TCAIM: variants seen among roughly 807,000 people sequenced by gnomAD.
TCAIM encodes the protein T-cell activation inhibitor, mitochondrial.
A neutral mutation model predicts 58.6 loss-of-function variants in TCAIM; 36 were observed. The ratio of observed to expected loss-of-function variants is 0.61; its 90% CI spans 0.47 to 0.81. TCAIM has a LOEUF of 0.81. TCAIM is among the 30% of genes least tolerant of loss of function. TCAIM has a pLI of 0.00. For synonymous variants in TCAIM, 172 were observed against 193.6 expected, an observed-to-expected ratio of 0.89 and a Z score of 0.93; for missense variants, 466 against 579.6, an observed-to-expected ratio of 0.80 and a Z score of 2.01.
intron 10 of TCAIM, among the ~76,000 whole-genome samples, chr3:44,405,824 T>C (rs1702091174): frequency 1.5e-5 from 2 of 131,466 alleles, no homozygotes; most frequent in Admixed American, 1.6e-4. Context: ...TGGTGGTACA[T>C]GCATGCAATC....
intron 8 of TCAIM, among the ~76,000 whole-genome samples, chr3:44,397,144 C>T (rs906266549): frequency 2.8e-4 from 42 of 152,146 alleles, no homozygotes; most frequent in African/African-American, 9.4e-4. Flanking sequence ...TGAGGTATAA[C>T]TGACATTTAA....
intron 5 of TCAIM, among the ~76,000 whole-genome samples, chr3:44,392,425 C>T (rs1701853135): frequency 6.6e-6 from 1 of 152,004 alleles, no homozygotes; most frequent in Admixed American, 6.6e-5. Context: ...ATTCTGTTAC[C>T]TAGGTACTAA....
chr3:44,390,349 G>A (rs1701814145), intron 5 of TCAIM, among the ~76,000 whole-genome samples: 1 of 152,226 alleles, frequency 6.6e-6, no homozygotes, highest in Admixed American at 6.5e-5. Flanking sequence ...CAGGTACAGT[G>A]GCTCACGCCT....
intron 5 of TCAIM, among the ~76,000 whole-genome samples, chr3:44,382,623 TA>T (rs1283054392): frequency 2.6e-5 from 4 of 152,222 alleles, no homozygotes; most frequent in African/African-American, 7.2e-5. Flanking sequence ...ATGTAAGACC[TA>T]AACTATAAAA....
intron 1 of TCAIM, among the ~76,000 whole-genome samples, chr3:44,351,908 A>G (rs1394578676): frequency 6.6e-6 from 1 of 152,108 alleles, no homozygotes; most frequent in Admixed American, 6.6e-5. Flanking sequence ...TTAAGAATGT[A>G]CTTTTAAAAA....
intron 10 of TCAIM, 41 bp from the exon 11 acceptor site, chr3:44,407,401 T>G (rs746699185): frequency 3.8e-6 from 5 of 1,316,080 alleles, no homozygotes; most frequent in Non-Finnish European, 1.0e-6. Context: ...GTTATGACAA[T>G]ATTTGTTCTT....
rs1260800366 is a variant in TCAIM, at chr3:44,401,210, T to C, written c.1126T>C (p.Tyr376His). The change falls in exon 10 of 11, where the codon TAT becomes CAT. Residue 376 changes from tyrosine (Y) to histidine (H), a missense_variant. Coordinates refer to ENST00000342649, the MANE Select transcript of TCAIM (RefSeq NM_173826.4). ...GLQMILNSDR[Y>H]APSLHELGHF... is the part of the protein sequence containing the mutation. ...ATGTATATTTTATTGCAGTGACAGA[T>C]ATGCTCCAAGCTTGCATGAACTCGG... The C allele has an allele frequency of 1.5e-5, 25 of 1,613,924 alleles. No individual in the cohort carries two copies. Among genetic ancestry groups the C allele is most frequent in the Non-Finnish European group, 1.9e-5 (23 of 1,179,952 alleles).
intron 6 of TCAIM, among the ~76,000 whole-genome samples, chr3:44,395,890 G>A (rs1269712548): frequency 2.0e-5 from 3 of 152,196 alleles, no homozygotes; most frequent in Non-Finnish European, 2.9e-5. Flanking sequence ...GTGAGGCTGA[G>A]GTAGGAGGAT....
In TCAIM at chr3:44,357,757, A is replaced by G. The variant is rs919903477; in HGVS notation, c.46A>G (p.Ile16Val). 8 of 1,614,008 alleles carry G rather than the reference A, an allele frequency of 5.0e-6. No individual in the cohort carries two copies. The Admixed American group carries it at 1.2e-4, about 24-fold the overall frequency. ...RPMRRLCLEK[I>V]FPHWFPFSRA... ...TTTTAAAAGGTTATGTCTAGAGAAG[A>G]TATTTCCACACTGGTTTCCCTTTTC... Residue 16 changes from isoleucine (I) to valine (V), a missense_variant, in exon 3 of 11, where the codon ATA becomes GTA. Ile to Val is a conservative substitution (Grantham distance 29). Transcript: ENST00000342649.
chr3:44,395,497 G>A (rs1298737007), intron 6 of TCAIM, among the ~76,000 whole-genome samples: 1 of 152,188 alleles, frequency 6.6e-6, no homozygotes. Context: ...AGGTCACAGA[G>A]CTAGTAAACC....
intron 5 of TCAIM, among the ~76,000 whole-genome samples, chr3:44,376,769 G>T (rs1007432834): frequency 6.6e-6 from 1 of 152,102 alleles, no homozygotes; most frequent in African/African-American, 2.4e-5. Context: ...CTTTCCAAAA[G>T]ACAAATACTG....
chr3:44,383,726 A>G (rs1411255888), intron 5 of TCAIM, among the ~76,000 whole-genome samples: 1 of 148,688 alleles, frequency 6.7e-6, no homozygotes, highest in Admixed American at 7.0e-5. Context: ...TAATCCCAGC[A>G]CTTTGGGAGG....
intron 10 of TCAIM, 48 bp from the exon 11 acceptor site, chr3:44,407,394 A>G (rs765297217): frequency 4.5e-5 from 58 of 1,294,282 alleles, no homozygotes; most frequent in Non-Finnish European, 5.8e-5. Context: ...TTGTTTGGTT[A>G]TGACAATATT....
intron 5 of TCAIM, among the ~76,000 whole-genome samples, chr3:44,378,796 CA>C (rs777858437): frequency 0.015 from 1,792 of 121,514 alleles, 24 homozygotes; most frequent in African/African-American, 0.044. Flanking sequence ...GACTCTGTCT[CA>C]AAAAAAAAAA....
At chr3:44,396,332 TGTG>T (rs1392445431) in intron 6 of TCAIM, 65 bp from the exon 7 acceptor site, 21 of 1,366,688 alleles carry the variant, frequency 1.5e-5, no homozygotes, top group Non-Finnish European at 1.9e-5. Context: ...CTCCAGTAGT[TGTG>T]GTGGGTGCTC....
At chr3:44,342,072 A>G (rs1472680199) in intron 1 of TCAIM, among the ~76,000 whole-genome samples, 3 of 152,184 alleles carry the variant, frequency 2.0e-5, no homozygotes, top group African/African-American at 7.2e-5. Flanking sequence ...TTTGTATTTC[A>G]TTTCGTATTC....
intron 1 of TCAIM, among the ~76,000 whole-genome samples, chr3:44,343,411 T>C (rs1700896072): frequency 6.6e-6 from 1 of 152,164 alleles, no homozygotes; most frequent in African/African-American, 2.4e-5. Flanking sequence ...TGGATATAAT[T>C]TAAAATTTTC....
intron 5 of TCAIM, among the ~76,000 whole-genome samples, chr3:44,379,934 A>G (rs1701629160): frequency 6.6e-6 from 1 of 152,092 alleles, no homozygotes; most frequent in Admixed American, 6.6e-5. Context: ...AACAATAACT[A>G]TCAGGTACTG....
rs558940943 is a variant in TCAIM at position 44,346,403 on chromosome 3, T to A, written c.-45+7569T>A. On this transcript the variant is annotated intron_variant, in intron 1 of 10. Transcript: ENST00000342649. ...GGCGTCTACCCATCCAGTGAAAGTG[T>A]CTACCCAGACCAAGAGGTATTTTAG... Among the ~76,000 whole-genome samples the A allele has an allele frequency of 3.3e-5, 5 of 152,274 alleles. No individual in the cohort carries two copies. The East Asian group carries it at 5.8e-4, about 18-fold the overall frequency.
Sources: gnomAD v4.1 joint callset for allele counts (sites outside exome capture counted in the v4.1 genomes callset) on GRCh38, gnomAD v4.1.1 for gene constraint, MANE v1.5 for transcripts, NCBI Gene and HGNC (gene_info 2026-07-23, HGNC 2026-07-21) for gene names.